WDR64: variants seen among roughly 807,000 people sequenced by gnomAD.
The protein encoded by WDR64 is WD repeat-containing protein 64.
WDR64 carries 112 observed loss-of-function variants against 139.3 expected under a neutral mutation model. That is an observed-to-expected ratio of 0.80 (90% CI 0.69 to 0.94). WDR64 has a LOEUF of 0.94. Among genes scored for constraint, WDR64 ranks in the 40% least tolerant of loss-of-function variants. The probability of loss-of-function intolerance (pLI) is 0.00; values close to 1 mark genes in which losing one functional copy is unlikely to be tolerated. For synonymous variants in WDR64, 444 were observed against 437.7 expected (o/e 1.01, Z -0.18); for missense variants, 1,206 against 1,293.1 (o/e 0.93, Z 1.03).
At chr1:241,799,202 C>CAAAAAAAA (rs4046210) in intron 27 of WDR64, among the ~76,000 whole-genome samples, 1,083 of 33,140 alleles carry the variant, frequency 0.033, 155 homozygotes, top group Admixed American at 0.12. Context: ...TTTGTCTCTC[C>CAAAAAAAA]AAAAAAAAAA....
intron 10 of WDR64, among the ~76,000 whole-genome samples, chr1:241,728,170 T>C (rs904352012): frequency 2.0e-5 from 3 of 151,604 alleles, no homozygotes; most frequent in African/African-American, 7.3e-5. Flanking sequence ...CTGTCACTAC[T>C]AAAACTACAA....
chr1:241,760,047 C>T (rs1240455703), intron 15 of WDR64, among the ~76,000 whole-genome samples: 3 of 152,146 alleles, frequency 2.0e-5, no homozygotes, highest in African/African-American at 7.2e-5. Flanking sequence ...TATGTCACAG[C>T]GTCCTTCCTT....
chr1:241,787,181 C>T (rs1276286883), intron 23 of WDR64, among the ~76,000 whole-genome samples: 3 of 144,056 alleles, frequency 2.1e-5, no homozygotes, highest in East Asian at 2.0e-4. Context: ...GGTGAAACCC[C>T]ATCTCTACTA....
chr1:241,722,961 G>A (rs1418227971), intron 9 of WDR64, among the ~76,000 whole-genome samples: 3 of 152,078 alleles, frequency 2.0e-5, no homozygotes, highest in Non-Finnish European at 2.9e-5. Flanking sequence ...AAGAACAGCT[G>A]CCTTAAATAT....
chr1:241,797,446 T>G (rs1456289855), intron 27 of WDR64, among the ~76,000 whole-genome samples: 1 of 152,192 alleles, frequency 6.6e-6, no homozygotes, highest in Non-Finnish European at 1.5e-5. Flanking sequence ...ATATAGCACA[T>G]GGTAATTTTT....
In WDR64 at chr1:241,770,684, C is replaced by T; in HGVS notation, c.2247C>T (p.Ser749=). 1 of 1,551,398 alleles carries T rather than the reference C, an allele frequency of 6.4e-7. No individual in the cohort carries two copies. Among genetic ancestry groups the T allele is most frequent in the Non-Finnish European group, 8.7e-7 (1 of 1,146,824 alleles). Residue 749 remains serine, a synonymous_variant, in exon 18 of 28, where the codon AGC becomes AGT. Coordinates refer to ENST00000437684, the MANE Select transcript of WDR64 (RefSeq NM_001367482.1). The stretch of plus-strand genomic sequence containing the variant: ...GTGAATCCAGCAAAGGTCCACAGAG[C>T]AGTAAGGTAAGCAAGACACAGACAG... ...SQCESSKGPQ[S]SKGSKQSIHD... is the part of the protein sequence containing the mutation.
At chr1:241,740,486 A>C (rs760534434) in intron 11 of WDR64, among the ~76,000 whole-genome samples, 9 of 152,212 alleles carry the variant, frequency 5.9e-5, no homozygotes, top group Non-Finnish European at 1.2e-4. Context: ...TAAACACTTC[A>C]GAGAGTGTTT....
intron 8 of WDR64, among the ~76,000 whole-genome samples, chr1:241,699,208 G>C (rs552908487): frequency 6.6e-6 from 1 of 152,204 alleles, no homozygotes; most frequent in South Asian, 2.1e-4. Flanking sequence ...TTTATTTATT[G>C]CATCTTAATT....
Position 241,770,634 on chromosome 1 carries a change from G to A in WDR64, c.2197G>A (p.Asp733Asn). Reference sequence around the variant, plus strand: ...CTCCCCTTATAGGAGATCAAGTCAGGATTCCATATGTTCTTCATCCCAGTG... The same window carrying A: ...CTCCCCTTATAGGAGATCAAGTCAGAATTCCATATGTTCTTCATCCCAGTG... ...TPECARRSSQ[D>N]SICSSSQCES... The change falls in exon 18 of 28, where the codon GAT (aspartate) becomes AAT (asparagine). Residue 733 changes from aspartate (D) to asparagine (N), a missense_variant. Physicochemically the swap from Asp to Asn is conservative, Grantham distance 23. Transcript: ENST00000437684. 1 of 1,551,306 alleles carries A rather than the reference G, an allele frequency of 6.4e-7. No homozygotes were observed. The highest frequency in any genetic ancestry group is 2.4e-5 in the East Asian group (1 of 40,890).
Position 241,771,433 on chromosome 1 carries a change from G to A in WDR64, c.2254-228G>A, listed in dbSNP as rs573070151. Among the ~76,000 whole-genome samples, 7 of 152,052 alleles carry A rather than the reference G, an allele frequency of 4.6e-5. No homozygotes were observed. The East Asian group carries it at 1.2e-3, about 25-fold the overall frequency. ...GCATCAGGCATTTTTAATTACTCTC[G>A]TTATTATGCTGGTACCTCAACTGCT... On this transcript the variant is annotated intron_variant, in intron 18 of 27. Transcript: ENST00000437684.
At chr1:241,781,686 C>T (rs148491124) in intron 22 of WDR64, among the ~76,000 whole-genome samples, 243 of 152,244 alleles carry the variant, frequency 1.6e-3, no homozygotes, top group Admixed American at 4.6e-3. Flanking sequence ...TTTCTAATTG[C>T]GGATTTCAAT....
At position 241,703,003 on chromosome 1, in the gene WDR64, C is replaced by T. The variant is rs530535035; in HGVS notation, c.975-8799C>T. Among the ~76,000 whole-genome samples, 53 of 152,242 alleles carry T rather than the reference C, an allele frequency of 3.5e-4. No homozygotes were observed. Among genetic ancestry groups the T allele is most frequent in the Non-Finnish European group, 6.6e-4 (45 of 68,008 alleles). ...CCCTCCCTTGCCCCTTGGGAATGGGCACAATATGGATCAATAAGAGGCAGT... is the reference window on the plus strand; with the variant it reads ...CCCTCCCTTGCCCCTTGGGAATGGGTACAATATGGATCAATAAGAGGCAGT... On this transcript the variant is annotated intron_variant, in intron 8 of 27. Coordinates refer to ENST00000437684, the MANE Select transcript of WDR64 (RefSeq NM_001367482.1). This position sits in a 1 kb window ranked among gnomAD's most constrained non-coding sequence, Gnocchi z 5.9.
At chr1:241,661,575 C>A (rs1665834512) in intron 2 of WDR64, among the ~76,000 whole-genome samples, 1 of 152,196 alleles carries the variant, frequency 6.6e-6, no homozygotes, top group African/African-American at 2.4e-5. Context: ...TAAAATAACA[C>A]TGAATTGAAC....
rs565162973 is a variant in WDR64 at position 241,691,788 on chromosome 1, C to T, written c.974+4193C>T. ...CAGCACTTTGGGGGGCCAAGGCGGGCAGATCACCTGTGCTCAGGAGTTCAA... is the reference window on the plus strand; with the variant it reads ...CAGCACTTTGGGGGGCCAAGGCGGGTAGATCACCTGTGCTCAGGAGTTCAA... On this transcript the variant is annotated intron_variant, in intron 8 of 27. Coordinates refer to ENST00000437684, the MANE Select transcript of WDR64 (RefSeq NM_001367482.1). 2.0e-5 allele frequency among the ~76,000 whole-genome samples: 3 copies of T among 152,238 alleles called. No homozygotes were observed. The South Asian group carries it at 6.2e-4, about 32-fold the overall frequency.
chr1:241,800,866 C>T (rs1017623546), intron 27 of WDR64, among the ~76,000 whole-genome samples: 7 of 152,144 alleles, frequency 4.6e-5, no homozygotes, highest in African/African-American at 1.4e-4. Flanking sequence ...CCTTTCCACA[C>T]TGTGCAGCTG....
At chr1:241,752,932 C>T (rs1177958371) in intron 14 of WDR64, among the ~76,000 whole-genome samples, 1 of 152,192 alleles carries the variant, frequency 6.6e-6, no homozygotes, top group Admixed American at 6.5e-5. Context: ...TAAGCTATTA[C>T]TCAGTGTCAA....
At chr1:241,733,695 T>C (rs75391661) in intron 10 of WDR64, among the ~76,000 whole-genome samples, 2,273 of 151,668 alleles carry the variant, frequency 0.015, 62 homozygotes, top group African/African-American at 0.053. Flanking sequence ...CTTATGAATG[T>C]TCCATTCTGC....
chr1:241,755,375 A>C (rs1049765776), intron 14 of WDR64, among the ~76,000 whole-genome samples: 1 of 152,182 alleles, frequency 6.6e-6, no homozygotes, highest in Non-Finnish European at 1.5e-5. Context: ...TCTTTTGAGA[A>C]GTGTCTGTTC....
chr1:241,712,215 G>A (rs553603777), intron 9 of WDR64, among the ~76,000 whole-genome samples: 2 of 152,212 alleles, frequency 1.3e-5, no homozygotes, highest in African/African-American at 2.4e-5. Context: ...TGGAGCCCCC[G>A]GCACTTATGT....
Sources: gnomAD v4.1 joint callset for allele counts (sites outside exome capture counted in the v4.1 genomes callset) on GRCh38, gnomAD v4.1.1 for gene constraint, Gnocchi (gnomAD v3.1) non-coding constraint, MANE v1.5 for transcripts, NCBI Gene and HGNC (gene_info 2026-07-23, HGNC 2026-07-21) for gene names.